SATB1: variants seen among roughly 807,000 people sequenced by gnomAD.
SATB1 encodes DNA-binding protein SATB1.
In SATB1, 11 loss-of-function variants were observed where a neutral mutation model predicts 86.9. The observed-to-expected ratio is 0.13, with a 90% CI of 0.08 to 0.21. The LOEUF (loss-of-function observed/expected upper bound fraction) is 0.21. SATB1 is among the 10% of genes least tolerant of loss of function. The probability of loss-of-function intolerance (pLI) is 1.00; values close to 1 mark genes in which losing one functional copy is unlikely to be tolerated. For synonymous variants in SATB1, 357 were observed against 357.2 expected, an observed-to-expected ratio of 1.00 and a Z score of 0.01; for missense variants, 551 against 937.6, an observed-to-expected ratio of 0.59 and a Z score of 5.39.
rs1215621802 is a variant in SATB1, at chr3:18,394,398, T to C, written c.1206+64A>G. The C allele has an allele frequency of 2.3e-6, 3 of 1,319,096 alleles. No individual in the cohort carries two copies. The highest frequency in any genetic ancestry group is 2.3e-4 in the Middle Eastern group (1 of 4,312). The allele number at this position is 1,319,096 out of a possible 1,614,324, so 81.7% of individuals were successfully genotyped here. A position where few individuals can be genotyped will look rare whatever the true frequency, so the allele number is the denominator to read the frequency against. ...GAAGTAAAAGAATAAACTTTAGTTA[T>C]AGATGGGACTAAAGAAAGAGAAAAT... On this transcript the variant is annotated intron_variant, in intron 7 of 10. Coordinates refer to ENST00000338745, the MANE Select transcript of SATB1 (RefSeq NM_002971.6). The surrounding 1 kb of genome is among the most constrained non-coding windows in gnomAD (Gnocchi z 5.9).
At chr3:18,387,362 T>C (rs189261511) in intron 7 of SATB1, among the ~76,000 whole-genome samples, 1 of 152,212 alleles carries the variant, frequency 6.6e-6, no homozygotes, top group Non-Finnish European at 1.5e-5. Context: ...CATCACAGCA[T>C]GCCAAGGAAA....
At chr3:18,371,491 T>C in intron 9 of SATB1, among the ~76,000 whole-genome samples, 1 of 152,128 alleles carries the variant, frequency 6.6e-6, no homozygotes, top group East Asian at 1.9e-4. Flanking sequence ...AAATGAGTAA[T>C]CTCTAAGGTT....
intron 5 of SATB1, among the ~76,000 whole-genome samples, chr3:18,397,970 A>ATTCTGCAATC (rs373755149): frequency 1.3e-5 from 2 of 152,358 alleles, no homozygotes; most frequent in South Asian, 2.1e-4. Context: ...AGAGAAAAAC[A>ATTCTGCAATC]TTCTGCAATC....
At chr3:18,353,494 C>T (rs188956089) in intron 9 of SATB1, among the ~76,000 whole-genome samples, 1 of 152,180 alleles carries the variant, frequency 6.6e-6, no homozygotes, top group East Asian at 1.9e-4. Flanking sequence ...AAAGACATTT[C>T]TCGGAAATTT....
chr3:18,372,945 TCTGTGTTAAACTTAA>T (rs1695548100), intron 9 of SATB1, among the ~76,000 whole-genome samples: 1 of 152,306 alleles, frequency 6.6e-6, no homozygotes, highest in South Asian at 2.1e-4. Context: ...CCTCCAAAGA[TCTGTGTTAAACTTAA>T]CACCAGCAGA....
intron 2 of SATB1, chr3:18,434,764 A>T (rs1260382311): frequency 6.6e-6 from 1 of 152,132 alleles, no homozygotes; most frequent in Non-Finnish European, 1.5e-5. Context: ...AATTAAAAAA[A>T]TTAAGTTCAC....
intron 10 of SATB1, chr3:18,351,106 A>G: frequency 1.8e-6 from 1 of 566,958 alleles, no homozygotes; most frequent in Non-Finnish European, 3.2e-6. Context: ...CTAAATTCAC[A>G]GAAGAGTGTC....
upstream of SATB1, among the ~76,000 whole-genome samples, chr3:18,443,310 G>T (rs763978418): frequency 3.3e-5 from 5 of 152,218 alleles, no homozygotes; most frequent in Non-Finnish European, 7.3e-5. The surrounding 1 kb of genome is among the most constrained non-coding windows in gnomAD (Gnocchi z 4.4). Flanking sequence ...TGGAAACCCA[G>T]TCAGTCAGAG....
chr3:18,360,199 G>C (rs1694840950), intron 9 of SATB1, among the ~76,000 whole-genome samples: 1 of 152,076 alleles, frequency 6.6e-6, no homozygotes. Context: ...CTTACTGATA[G>C]GTAAAGAAAC....
intron 8 of SATB1, among the ~76,000 whole-genome samples, chr3:18,383,756 C>A (rs1200875836): frequency 6.6e-6 from 1 of 152,136 alleles, no homozygotes; most frequent in East Asian, 1.9e-4. Context: ...CAAGACAGCA[C>A]TAATTCAAGT....
chr3:18,367,182 A>C (rs1039498062), intron 9 of SATB1, among the ~76,000 whole-genome samples: 4 of 152,184 alleles, frequency 2.6e-5, no homozygotes, highest in African/African-American at 9.7e-5. Flanking sequence ...GAATGATGCA[A>C]TTCATGTACA....
chr3:18,441,912 C>A (rs1453649771), upstream of SATB1, among the ~76,000 whole-genome samples: 2 of 152,064 alleles, frequency 1.3e-5, no homozygotes, highest in African/African-American at 4.8e-5. Context: ...GATTTCTTTG[C>A]AGAAATAAAC....
intron 9 of SATB1, among the ~76,000 whole-genome samples, chr3:18,370,515 C>CAAAAAAAAAAAAAAAAAAAAAAAGGA (rs11391230): frequency 8.1e-5 from 4 of 49,416 alleles, no homozygotes; most frequent in African/African-American, 1.9e-4. Flanking sequence ...CTGAGAGAGG[C>CAAAAAAAAAAAAAAAAAAAAAAAGGA]AAAAAAAAAA....
At chr3:18,410,006 T>C (rs960123457) in intron 5 of SATB1, among the ~76,000 whole-genome samples, 17 of 152,080 alleles carry the variant, frequency 1.1e-4, no homozygotes, top group African/African-American at 3.6e-4. Context: ...CTTGAGAATA[T>C]GAAAGAATAG....
rs1227421547 is a variant in SATB1 at position 18,420,935 on chromosome 3, T to C, written c.33A>G (p.Lys11=). 3.1e-6 allele frequency: 5 copies of C among 1,614,080 alleles called. No homozygotes were observed. In the South Asian group the frequency reaches 4.4e-5, roughly 14 times the overall value. Residue 11 remains lysine, a synonymous_variant, in exon 2 of 11, where the codon AAA becomes AAG. Coordinates refer to ENST00000338745, the MANE Select transcript of SATB1 (RefSeq NM_002971.6). MDHLNEATQG[K]EHSEMSNNVS... is the part of the protein sequence containing the mutation. ...CATTGTTAGACATTTCTGAATGTTCTTTCCCCTGAGTTGCCTCGTTCAAAT... is the reference window on the plus strand; with the variant it reads ...CATTGTTAGACATTTCTGAATGTTCCTTCCCCTGAGTTGCCTCGTTCAAAT...
Position 18,349,659 on chromosome 3 carries a change from C to T in SATB1, c.1803G>A (p.Gln601=), listed in dbSNP as rs766256434. The part of the protein sequence containing the change: ...QIQQQQQQQQ[Q]QQQQQQAPPP... ...GCGGTGCCTGCTGCTGCTGCTGCTG[C>T]TGTTGCTGTTGCTGCTGCTGTTGCT... The change falls in exon 11 of 11, where the codon CAG becomes CAA. Residue 601 remains glutamine (Q), a synonymous_variant. Transcript: ENST00000338745. The surrounding 1 kb of genome is among the most constrained non-coding windows in gnomAD (Gnocchi z 5.5). 1.4e-5 allele frequency: 22 copies of T among 1,604,826 alleles called. No homozygotes were observed. Among genetic ancestry groups the T allele is most frequent in the Non-Finnish European group, 2.6e-6 (3 of 1,176,002 alleles).
intron 5 of SATB1, among the ~76,000 whole-genome samples, chr3:18,404,655 A>C (rs1697429111): frequency 6.6e-6 from 1 of 152,024 alleles, no homozygotes; most frequent in Non-Finnish European, 1.5e-5. Flanking sequence ...TTAAAAGAAA[A>C]TGTTGGTTCA....
chr3:18,405,066 G>T (rs563125302), intron 5 of SATB1, among the ~76,000 whole-genome samples: 1 of 151,976 alleles, frequency 6.6e-6, no homozygotes, highest in Non-Finnish European at 1.5e-5. Flanking sequence ...TCCAACTAGA[G>T]TCTTATTTTT....
chr3:18,423,026 T>C (rs992784500), intron 1 of SATB1, among the ~76,000 whole-genome samples: 2 of 152,186 alleles, frequency 1.3e-5, no homozygotes, highest in South Asian at 4.1e-4. Context: ...CAAAATTAAA[T>C]GCGCATAAAA....
Sources: allele counts gnomAD v4.1 joint callset (sites outside exome capture counted in the v4.1 genomes callset), GRCh38; gene constraint gnomAD v4.1.1; non-coding constraint Gnocchi (gnomAD v3.1); transcripts MANE v1.5; gene names NCBI Gene and HGNC (gene_info 2026-07-23, HGNC 2026-07-21).